Variants in TBC1D14 observed in about 807,000 individuals in gnomAD.
The protein encoded by TBC1D14 is TBC1 domain family member 14, also known as TBC1 domain family, member 14.
Under a neutral mutation model 79.0 loss-of-function variants are expected in TBC1D14, and 26 were observed. The ratio of observed to expected loss-of-function variants is 0.33; its 90% CI spans 0.24 to 0.46. The LOEUF (loss-of-function observed/expected upper bound fraction) is 0.46, where lower values mean the gene tolerates loss of function less well. Ranked by LOEUF, TBC1D14 falls within the 20% of genes least tolerant of loss-of-function variation. The probability of loss-of-function intolerance (pLI) is 1.00; values close to 1 mark genes in which losing one functional copy is unlikely to be tolerated. For synonymous variants in TBC1D14, 394 were observed against 349.9 expected (o/e 1.13, Z -1.40); for missense variants, 769 against 887.6 (o/e 0.87, Z 1.70).
At chr4:6,932,276 C>T (rs939932186) in intron 2 of TBC1D14, among the ~76,000 whole-genome samples, 2 of 151,518 alleles carry the variant, frequency 1.3e-5, no homozygotes, top group African/African-American at 4.8e-5. Flanking sequence ...AGGAGAATTG[C>T]TTGAACCATT....
At chr4:6,987,399 G>A (rs1717971268) in intron 3 of TBC1D14, 2 of 1,373,646 alleles carry the variant, frequency 1.5e-6, no homozygotes, top group Non-Finnish European at 9.5e-7. Context: ...AGGCCTGCCC[G>A]GTCCCGTGGG....
In TBC1D14 at chr4:7,003,722, G is replaced by A. The variant is rs190442306; in HGVS notation, c.1271-1122G>A. On this transcript the variant is annotated intron_variant, in intron 7 of 13. Transcript: ENST00000409757. ...GGAACATCAGAGCCAGAGGAGTGGC[G>A]GGTGCAGCAGCTGGCGCTTGTCATC... Among the ~76,000 whole-genome samples the A allele has an allele frequency of 2.7e-4, 41 of 152,208 alleles. No homozygotes were observed. In the East Asian group the frequency reaches 7.5e-3, roughly 28 times the overall value.
chr4:6,994,402 G>A (rs3892490), intron 4 of TBC1D14, 100 bp downstream of exon 4: 211,919 of 1,021,564 alleles, frequency 0.21, 24,872 homozygotes, highest in African/African-American at 0.38. Flanking sequence ...CAGAAAAGGG[G>A]AGAAGAGTAA....
At chr4:6,914,323 T>C (rs1723226491) in intron 1 of TBC1D14, among the ~76,000 whole-genome samples, 1 of 152,206 alleles carries the variant, frequency 6.6e-6, no homozygotes, top group African/African-American at 2.4e-5. Flanking sequence ...AAGTTCCAGG[T>C]GTCTGAAAGT....
chr4:7,025,259 T>C lies in TBC1D14; in HGVS notation c.2013T>C (p.Ala671=). Residue 671 remains alanine (A), a synonymous_variant, in exon 13 of 14, where the codon GCT becomes GCC. Transcript: ENST00000409757. ...TGCAGAGCCGAAACAAGAAGTGGGC[T>C]CAGGTCAGCGGGCTTTGTGTTCTTG... The part of the protein sequence containing the change: ...IQMQSRNKKW[A]QVLTALQKDS... The C allele has an allele frequency of 6.2e-7, 1 of 1,614,202 alleles. No individual in the cohort carries two copies. The highest frequency in any genetic ancestry group is 1.1e-5 in the South Asian group (1 of 91,088).
In TBC1D14 at chr4:7,030,609, C is replaced by T. The variant is rs935071668; in HGVS notation, c.*217C>T. ...AGCTCAGTGGAAGGATGAGCTGCTGCGGACCACAGCCAGCCACTGCATCTG... is the reference window on the plus strand; with the variant it reads ...AGCTCAGTGGAAGGATGAGCTGCTGTGGACCACAGCCAGCCACTGCATCTG... On this transcript the variant is annotated 3_prime_UTR_variant, in exon 14 of 14. Transcript: ENST00000409757. 1.7e-4 allele frequency: 79 copies of T among 465,850 alleles called. No homozygotes were observed. The highest frequency in any genetic ancestry group is 6.0e-4 in the Middle Eastern group (1 of 1,662). The allele number at this position is 465,850 out of a possible 1,614,324, so 28.9% of individuals were successfully genotyped here.
At chr4:6,944,650 C>G (rs970204965) in intron 2 of TBC1D14, among the ~76,000 whole-genome samples, 2 of 152,208 alleles carry the variant, frequency 1.3e-5, no homozygotes, top group African/African-American at 4.8e-5. Flanking sequence ...CACCATGGCT[C>G]TGGCCTCTGG....
intron 11 of TBC1D14, among the ~76,000 whole-genome samples, chr4:7,011,274 T>G (rs538691441): frequency 1.2e-4 from 18 of 148,088 alleles, no homozygotes; most frequent in Admixed American, 8.7e-4. Context: ...GCCATTTGTT[T>G]AGTGGACCGC....
At chr4:6,974,649 A>T (rs1163360410) in intron 3 of TBC1D14, among the ~76,000 whole-genome samples, 1 of 152,198 alleles carries the variant, frequency 6.6e-6, no homozygotes, top group Non-Finnish European at 1.5e-5. Flanking sequence ...ACCACAACTC[A>T]CAGAAGGCTG....
At chr4:6,916,088 T>C (rs1161816031) in intron 1 of TBC1D14, among the ~76,000 whole-genome samples, 14 of 149,276 alleles carry the variant, frequency 9.4e-5, no homozygotes, top group Admixed American at 8.7e-4. Flanking sequence ...ATTGTGCCAC[T>C]GCGCTCCAGC....
At chr4:7,018,013 G>A (rs891336300) in intron 12 of TBC1D14, among the ~76,000 whole-genome samples, 2 of 152,154 alleles carry the variant, frequency 1.3e-5, no homozygotes, top group Non-Finnish European at 2.9e-5. Flanking sequence ...AGAAGCACTC[G>A]TCACTGTGGT....
chr4:6,973,659 T>C (rs537517771), intron 3 of TBC1D14, among the ~76,000 whole-genome samples: 126 of 152,104 alleles, frequency 8.3e-4, no homozygotes, highest in Non-Finnish European at 1.4e-3. Flanking sequence ...AATTTTTTTT[T>C]CCCTTCCAAT....
rs1719356383 is a variant in TBC1D14 at position 6,998,843 on chromosome 4, G to A, written c.1046-242G>A. 3 of 422,056 alleles carry A rather than the reference G, an allele frequency of 7.1e-6. No individual in the cohort carries two copies. The South Asian group carries it at 7.6e-5, about 11-fold the overall frequency. 26.1% of individuals were successfully genotyped at this position (422,056 alleles called of 1,614,324 possible). A position where few individuals can be genotyped will look rare whatever the true frequency, so the allele number is the denominator to read the frequency against. On this transcript the variant is annotated intron_variant, in intron 5 of 13. Coordinates refer to ENST00000409757, the MANE Select transcript of TBC1D14 (RefSeq NM_020773.3). ...CGTGAGCCACCGCGCCTGGCCAACTGAATCGTATTCTTCTTTGTGTACTTT... is the reference window on the plus strand; with the variant it reads ...CGTGAGCCACCGCGCCTGGCCAACTAAATCGTATTCTTCTTTGTGTACTTT...
intron 7 of TBC1D14, among the ~76,000 whole-genome samples, chr4:7,003,915 A>G (rs1222543207): frequency 6.6e-6 from 1 of 150,930 alleles, no homozygotes; most frequent in Non-Finnish European, 1.5e-5. Flanking sequence ...GAGGCAAGAA[A>G]ATTGAGATTG....
At chr4:6,978,126 A>G (rs1404254336) in intron 3 of TBC1D14, among the ~76,000 whole-genome samples, 2 of 146,416 alleles carry the variant, frequency 1.4e-5, no homozygotes, top group East Asian at 2.0e-4. Context: ...TGGGGGGGTC[A>G]GCCCCCCGCC....
intron 11 of TBC1D14, among the ~76,000 whole-genome samples, chr4:7,012,997 A>G (rs1416885519): frequency 6.6e-6 from 1 of 152,248 alleles, no homozygotes; most frequent in Non-Finnish European, 1.5e-5. Context: ...AAATAAATAC[A>G]TGATTCCCAT....
chr4:6,987,031 G>A (rs1159757089), intron 3 of TBC1D14: 3 of 350,400 alleles, frequency 8.6e-6, no homozygotes, highest in African/African-American at 4.3e-5. Context: ...GTCGGCGCGC[G>A]TCCCCGGTGT....
chr4:7,026,057 G>T (rs777927495), intron 13 of TBC1D14, among the ~76,000 whole-genome samples: 7 of 152,040 alleles, frequency 4.6e-5, no homozygotes, highest in Non-Finnish European at 1.0e-4. Flanking sequence ...TTGAGAGAGG[G>T]TCTCGCTCTG....
At chr4:6,954,116 C>T (rs1714382522) in intron 2 of TBC1D14, 2 of 593,702 alleles carry the variant, frequency 3.4e-6, no homozygotes, top group South Asian at 2.0e-5. Context: ...CCCGCCCTGC[C>T]GCCCCCGCCT....
Sources: allele counts gnomAD v4.1 joint callset (sites outside exome capture counted in the v4.1 genomes callset), GRCh38; gene constraint gnomAD v4.1.1; transcripts MANE v1.5; gene names NCBI Gene and HGNC (gene_info 2026-07-23, HGNC 2026-07-21).